N4BP1: variants seen among roughly 807,000 people sequenced by gnomAD.
The protein encoded by N4BP1 is NEDD4-binding protein 1.
A neutral mutation model predicts 70.9 loss-of-function variants in N4BP1; 21 were observed. The observed-to-expected ratio is 0.30, with a 90% CI of 0.21 to 0.43. The LOEUF is 0.43. Ranked by LOEUF, N4BP1 falls within the 20% of genes least tolerant of loss-of-function variation. The probability of loss-of-function intolerance (pLI) is 1.00; values close to 1 mark genes in which losing one functional copy is unlikely to be tolerated. For missense variants in N4BP1, 936 were observed against 1,069.4 expected (o/e 0.88, Z 1.74); for synonymous variants, 387 against 394.6 (o/e 0.98, Z 0.23).
rs1291063410 is a variant in N4BP1, at chr16:48,539,167, G to C, written c.*3737C>G. The C allele has an allele frequency of 6.6e-6, 1 of 152,282 alleles. No homozygotes were observed. Among genetic ancestry groups the C allele is most frequent in the African/African-American group, 2.4e-5 (1 of 41,454 alleles). 9.4% of individuals were successfully genotyped at this position (152,282 alleles called of 1,614,324 possible). A position where few individuals can be genotyped will look rare whatever the true frequency, so the allele number is the denominator to read the frequency against. On this transcript the variant is annotated 3_prime_UTR_variant, in exon 7 of 7. Transcript: ENST00000262384. ...TCAGGAGATGTGAACTTTGTGGTCT[G>C]GTCAAACAGCCACTGCAGATCACTT...
intron 5 of N4BP1, among the ~76,000 whole-genome samples, chr16:48,547,092 C>T (rs1963601030): frequency 6.6e-6 from 1 of 152,238 alleles, no homozygotes; most frequent in African/African-American, 2.4e-5. Flanking sequence ...ATTCATAACA[C>T]AGAATCTTTT....
Position 48,599,374 on chromosome 16 carries a change from G to A in N4BP1, c.198+10401C>T, listed in dbSNP as rs186788957. Among the ~76,000 whole-genome samples, 11 of 152,230 alleles carry A rather than the reference G, an allele frequency of 7.2e-5. No individual in the cohort carries two copies. In the East Asian group the frequency reaches 2.1e-3, roughly 29 times the overall value. ...TTTCACAAATTCTGGCAAAATAGAG[G>A]GTAAGAGGAAAACTCCCACACATCT... On this transcript the variant is annotated intron_variant, in intron 1 of 6. Transcript: ENST00000262384.
chr16:48,550,008 T>A (rs1963642926), intron 4 of N4BP1, among the ~76,000 whole-genome samples: 1 of 152,248 alleles, frequency 6.6e-6, no homozygotes, highest in South Asian at 2.1e-4. Flanking sequence ...ACTAATTTCA[T>A]ACCATGAGGA....
chr16:48,609,627 C>A, intron 1 of N4BP1, 148 bp downstream of exon 1: 1 of 632,258 alleles, frequency 1.6e-6, no homozygotes, highest in Non-Finnish European at 2.3e-6. Flanking sequence ...ACATGGCTCG[C>A]GAGCCGAAAA....
chr16:48,610,086 G>T lies in N4BP1; in HGVS notation c.-114C>A. 2 of 467,758 alleles carry T rather than the reference G, an allele frequency of 4.3e-6. No individual in the cohort carries two copies. The highest frequency in any genetic ancestry group is 8.5e-5 in the South Asian group (1 of 11,812). The allele number at this position is 467,758 out of a possible 1,614,324, so 29.0% of individuals were successfully genotyped here. A position where few individuals can be genotyped will look rare whatever the true frequency, so the allele number is the denominator to read the frequency against. On this transcript the variant is annotated 5_prime_UTR_variant, in exon 1 of 7. Coordinates refer to ENST00000262384, the MANE Select transcript of N4BP1 (RefSeq NM_153029.4). ...GGCGTCGGCCCTTCCCGGCCGCCTC[G>T]CCCCCGCCCGCGCCCCGCCGCCCGC...
chr16:48,558,485 T>C (rs1963791541), intron 2 of N4BP1, among the ~76,000 whole-genome samples: 1 of 152,116 alleles, frequency 6.6e-6, no homozygotes, highest in Admixed American at 6.6e-5. Flanking sequence ...TTGCAAAACA[T>C]CCTGTCACGG....
intron 1 of N4BP1, among the ~76,000 whole-genome samples, chr16:48,590,798 G>A (rs1243641310): frequency 6.6e-6 from 1 of 152,180 alleles, no homozygotes; most frequent in African/African-American, 2.4e-5. Flanking sequence ...ATAGCCCCAT[G>A]GTGTGGTATG....
rs151301998 is a variant in N4BP1, at chr16:48,597,242, C to T, written c.198+12533G>A. On this transcript the variant is annotated intron_variant, in intron 1 of 6. Coordinates refer to ENST00000262384, the MANE Select transcript of N4BP1 (RefSeq NM_153029.4). Reference sequence around the variant, plus strand: ...TCTTGATAAATCAGCTTTGTCTAGGCAGAGGACAAGGTGAACCCGTTGGGC... The same window carrying T: ...TCTTGATAAATCAGCTTTGTCTAGGTAGAGGACAAGGTGAACCCGTTGGGC... Among the ~76,000 whole-genome samples the T allele has an allele frequency of 2.3e-3, 351 of 152,280 alleles. 1 individual carries two copies. Among genetic ancestry groups the T allele is most frequent in the African/African-American group, 8.0e-3 (333 of 41,548 alleles).
chr16:48,569,639 A>C (rs1256828680), intron 1 of N4BP1, among the ~76,000 whole-genome samples: 1 of 152,012 alleles, frequency 6.6e-6, no homozygotes, highest in Admixed American at 6.6e-5. Context: ...CAAGCAATCC[A>C]CCTGCCTTGG....
chr16:48,547,961 T>A lies in N4BP1; in HGVS notation c.2225+46A>T, dbSNP rs189199216. On this transcript the variant is annotated intron_variant, in intron 5 of 6. Coordinates refer to ENST00000262384, the MANE Select transcript of N4BP1 (RefSeq NM_153029.4). ...ACAAAATGCACACAGAAACAAACAA[T>A]TAAAAACAAAACTTTTCTGACCAAA... The A allele has an allele frequency of 5.2e-4, 668 of 1,291,958 alleles. 5 individuals are homozygous for A. The African/African-American group carries it at 8.7e-3, about 17-fold the overall frequency. The allele number at this position is 1,291,958 out of a possible 1,614,324, so 80.0% of individuals were successfully genotyped here.
In N4BP1 at chr16:48,561,692, A is replaced by G. The variant is rs372779163; in HGVS notation, c.951T>C (p.Ala317=). ...CAGATAGGTCAGCTATTACATTTCC[A>G]GCCAATGTCTTAGCATCGTGTAAAA... ...GEILHDAKTL[A]GNVIADLSDS... The change falls in exon 2 of 7, where the codon GCT becomes GCC. Residue 317 remains alanine (A), a synonymous_variant. Coordinates refer to ENST00000262384, the MANE Select transcript of N4BP1 (RefSeq NM_153029.4). 34 of 1,612,856 alleles carry G rather than the reference A, an allele frequency of 2.1e-5. No homozygotes were observed. Among genetic ancestry groups the G allele is most frequent in the African/African-American group, 2.7e-5 (2 of 74,932 alleles).
intron 1 of N4BP1, among the ~76,000 whole-genome samples, chr16:48,566,953 T>C (rs1011481864): frequency 6.6e-6 from 1 of 152,232 alleles, no homozygotes; most frequent in Non-Finnish European, 1.5e-5. Context: ...CTTGCCATTA[T>C]GTAGTGTCTC....
chr16:48,553,855 C>T (rs1230869586), intron 2 of N4BP1, among the ~76,000 whole-genome samples, 186 bp from the exon 3 acceptor site: 3 of 152,190 alleles, frequency 2.0e-5, no homozygotes, highest in Non-Finnish European at 1.5e-5. Context: ...GGACAGAACT[C>T]TTAATAGTGT....
Position 48,539,257 on chromosome 16 carries a change from G to C in N4BP1, c.*3647C>G, listed in dbSNP as rs1297167203. ...TAAATCTGGCCACACTGCAGCATCT[G>C]GACGGCAGAGGGCAGCGCTGGGAGG... On this transcript the variant is annotated 3_prime_UTR_variant, in exon 7 of 7. Coordinates refer to ENST00000262384, the MANE Select transcript of N4BP1 (RefSeq NM_153029.4). 3 of 152,456 alleles carry C rather than the reference G, an allele frequency of 2.0e-5. No individual in the cohort carries two copies. The highest frequency in any genetic ancestry group is 7.2e-5 in the African/African-American group (3 of 41,460). 9.4% of individuals were successfully genotyped at this position (152,456 alleles called of 1,614,324 possible). A position where few individuals can be genotyped will look rare whatever the true frequency, so the allele number is the denominator to read the frequency against.
At chr16:48,567,771 G>T (rs926187751) in intron 1 of N4BP1, among the ~76,000 whole-genome samples, 21 of 152,058 alleles carry the variant, frequency 1.4e-4, no homozygotes, top group African/African-American at 4.8e-4. Flanking sequence ...TTTTCTATAT[G>T]ATGTTTTGAC....
At chr16:48,571,100 C>G (rs1414885195) in intron 1 of N4BP1, among the ~76,000 whole-genome samples, 2 of 152,212 alleles carry the variant, frequency 1.3e-5, no homozygotes, top group Non-Finnish European at 2.9e-5. Context: ...GCAGCTTACT[C>G]TATCTTATCC....
At chr16:48,600,304 A>C (rs1964476156) in intron 1 of N4BP1, 4 of 1,115,546 alleles carry the variant, frequency 3.6e-6, no homozygotes, top group Non-Finnish European at 2.7e-6. Flanking sequence ...AATCCTTGCA[A>C]AGTTAGGTGG....
At chr16:48,608,052 G>C (rs1027895578) in intron 1 of N4BP1, among the ~76,000 whole-genome samples, 5 of 152,182 alleles carry the variant, frequency 3.3e-5, no homozygotes, top group Admixed American at 2.0e-4. Context: ...TAGTAGAGAT[G>C]CCACTGCACT....
chr16:48,542,819 A>G lies in N4BP1; in HGVS notation c.*85T>C. The G allele has an allele frequency of 8.4e-7, 1 of 1,196,028 alleles. No homozygotes were observed. The highest frequency in any genetic ancestry group is 1.2e-6 in the Non-Finnish European group (1 of 859,634). 74.1% of individuals were successfully genotyped at this position (1,196,028 alleles called of 1,614,324 possible). Reference sequence around the variant, plus strand: ...TACACTGGGAAATAAGTTTCTTCACATTATGTTCATTCCCATCAGGTACAG... The same window carrying G: ...TACACTGGGAAATAAGTTTCTTCACGTTATGTTCATTCCCATCAGGTACAG... On this transcript the variant is annotated 3_prime_UTR_variant, in exon 7 of 7. Transcript: ENST00000262384.
Sources: gnomAD v4.1 joint callset for allele counts (sites outside exome capture counted in the v4.1 genomes callset) on GRCh38, gnomAD v4.1.1 for gene constraint, MANE v1.5 for transcripts, NCBI Gene and HGNC (gene_info 2026-07-23, HGNC 2026-07-21) for gene names.